The following CACNG5 variants were observed in gnomAD, a reference collection of about 807,000 sequenced individuals.
The protein encoded by CACNG5 is calcium voltage-gated channel auxiliary subunit gamma 5, also known as voltage-dependent calcium channel gamma-5 subunit.
A neutral mutation model predicts 24.8 loss-of-function variants in CACNG5; 18 were observed. That is an observed-to-expected ratio of 0.73 (90% CI 0.50 to 1.08). The LOEUF is 1.08. Ranked by LOEUF, CACNG5 falls within the 50% of genes least tolerant of loss-of-function variation. The probability of loss-of-function intolerance (pLI) is 0.00; values close to 1 mark genes in which losing one functional copy is unlikely to be tolerated. For missense variants in CACNG5, 349 were observed against 367.9 expected (o/e 0.95, Z 0.42); for synonymous variants, 157 against 149.1 (o/e 1.05, Z -0.39).
chr17:66,880,224 C>T (rs1977137745), intron 3 of CACNG5, among the ~76,000 whole-genome samples: 1 of 152,204 alleles, frequency 6.6e-6, no homozygotes, highest in African/African-American at 2.4e-5. Context: ...CTGGCCCTTC[C>T]ACAGCTGCCA....
At chr17:66,857,712 A>T (rs975527728) in intron 1 of CACNG5, among the ~76,000 whole-genome samples, 1 of 152,188 alleles carries the variant, frequency 6.6e-6, no homozygotes, top group Non-Finnish European at 1.5e-5. Context: ...TCCAGATTAG[A>T]CCAAAATCAG....
In CACNG5 at chr17:66,891,306, T is replaced by G. The variant is rs1018287129; in HGVS notation, c.*6066T>G. ...CTCCAGTTTATTAATATACAAGCAATTGCCCCAAAATTTAGTAGCTTAAGA... is the reference window on the plus strand; with the variant it reads ...CTCCAGTTTATTAATATACAAGCAAGTGCCCCAAAATTTAGTAGCTTAAGA... On this transcript the variant is annotated 3_prime_UTR_variant, in exon 6 of 6. Transcript: ENST00000533854. 6.6e-6 allele frequency among the ~76,000 whole-genome samples: 1 copy of G among 152,126 alleles called. No individual in the cohort carries two copies. Among genetic ancestry groups the G allele is most frequent in the Non-Finnish European group, 1.5e-5 (1 of 68,030 alleles).
chr17:66,843,506 T>A (rs904661231), intron 1 of CACNG5, among the ~76,000 whole-genome samples: 2 of 152,190 alleles, frequency 1.3e-5, no homozygotes, highest in Non-Finnish European at 2.9e-5. Context: ...TCTGAATTTG[T>A]AGAAAATGAC....
At chr17:66,855,782 C>A (rs961584765) in intron 1 of CACNG5, among the ~76,000 whole-genome samples, 14 of 152,134 alleles carry the variant, frequency 9.2e-5, no homozygotes, top group Non-Finnish European at 1.6e-4. Flanking sequence ...CAGGCGTGAG[C>A]CACCGCACCC....
chr17:66,893,838 G>A lies in CACNG5; in HGVS notation c.*8598G>A, dbSNP rs149758728. Among the ~76,000 whole-genome samples the A allele has an allele frequency of 2.0e-5, 3 of 152,170 alleles. No homozygotes were observed. The highest frequency in any genetic ancestry group is 1.9e-4 in the East Asian group (1 of 5,174). On this transcript the variant is annotated 3_prime_UTR_variant, in exon 6 of 6. Coordinates refer to ENST00000533854, the MANE Select transcript of CACNG5 (RefSeq NM_145811.3). ...AGCGTAAATTCCTGAGTTGATGGGT[G>A]TGTGGGGTGCAAAGAAAAAAAAAGT...
At position 66,888,461 on chromosome 17, in the gene CACNG5, G is replaced by A. The variant is rs375912716; in HGVS notation, c.*3221G>A. 2.8e-4 allele frequency among the ~76,000 whole-genome samples: 42 copies of A among 148,168 alleles called. No individual in the cohort carries two copies. Among genetic ancestry groups the A allele is most frequent in the East Asian group, 6.1e-4 (3 of 4,922 alleles). On this transcript the variant is annotated 3_prime_UTR_variant, in exon 6 of 6. Transcript: ENST00000533854. Reference sequence around the variant, plus strand: ...TGGGAGGCTGAAGCAGGAGAATGGCGTGAACCTGGGAGGCAGAGCTTGCAG... The same window carrying A: ...TGGGAGGCTGAAGCAGGAGAATGGCATGAACCTGGGAGGCAGAGCTTGCAG...
chr17:66,892,098 T>C lies in CACNG5; in HGVS notation c.*6858T>C, dbSNP rs1389729064. On this transcript the variant is annotated 3_prime_UTR_variant, in exon 6 of 6. Transcript: ENST00000533854. ...TGAGTCTGGCTGGGGAGTGGTGGCA[T>C]CCCAAACAAAATGCAAGAAAAGGAG... is the stretch of plus-strand genomic sequence containing the variant. Among the ~76,000 whole-genome samples the C allele has an allele frequency of 6.6e-6, 1 of 152,174 alleles. No individual in the cohort carries two copies. Among genetic ancestry groups the C allele is most frequent in the Admixed American group, 6.5e-5 (1 of 15,274 alleles).
chr17:66,838,601 C>G (rs2144494046), intron 1 of CACNG5, among the ~76,000 whole-genome samples: 1 of 151,630 alleles, frequency 6.6e-6, no homozygotes, highest in South Asian at 2.1e-4. Context: ...GGGGGCAGAG[C>G]CTGGACCAAA....
At position 66,887,216 on chromosome 17, in the gene CACNG5, A is replaced by G. The variant is rs1024469724; in HGVS notation, c.*1976A>G. Among the ~76,000 whole-genome samples the G allele has an allele frequency of 2.0e-5, 3 of 152,046 alleles. No individual in the cohort carries two copies. Among genetic ancestry groups the G allele is most frequent in the South Asian group, 4.2e-4 (2 of 4,814 alleles). ...GTAAGAGAAGCCAGTTCTGGTCCCA[A>G]TTCAGCCACTCATTCACCACGAATC... is the stretch of plus-strand genomic sequence containing the variant. On this transcript the variant is annotated 3_prime_UTR_variant, in exon 6 of 6. Transcript: ENST00000533854.
Position 66,850,673 on chromosome 17 carries a change from G to A in CACNG5, c.-104+15423G>A, listed in dbSNP as rs79082620. Reference sequence around the variant, plus strand: ...TCATTGCAGCACACTGGGAAATGCAGAAGAATAGAAAGAGGCAGGTTTTCC... The same window carrying A: ...TCATTGCAGCACACTGGGAAATGCAAAAGAATAGAAAGAGGCAGGTTTTCC... On this transcript the variant is annotated intron_variant, in intron 1 of 5. Coordinates refer to ENST00000533854, the MANE Select transcript of CACNG5 (RefSeq NM_145811.3). 2.3e-3 allele frequency among the ~76,000 whole-genome samples: 350 copies of A among 152,056 alleles called. 11 individuals carry two copies. The East Asian group carries it at 0.035, about 15-fold the overall frequency.
chr17:66,861,377 C>T (rs563464580), intron 1 of CACNG5, among the ~76,000 whole-genome samples: 12 of 152,316 alleles, frequency 7.9e-5, no homozygotes, highest in East Asian at 5.8e-4. Flanking sequence ...TGTGTTACCT[C>T]GTAACCCTTT....
chr17:66,866,407 T>C lies in CACNG5; in HGVS notation c.-103-10823T>C, dbSNP rs186267580. Among the ~76,000 whole-genome samples the C allele has an allele frequency of 3.4e-3, 515 of 152,290 alleles. 1 individual carries two copies. Among genetic ancestry groups the C allele is most frequent in the Middle Eastern group, 0.014 (4 of 294 alleles). On this transcript the variant is annotated intron_variant, in intron 1 of 5. Coordinates refer to ENST00000533854, the MANE Select transcript of CACNG5 (RefSeq NM_145811.3). ...GCTTCAGTCTCCCAAAGCACTGGGATTAGAGCACTCCACCACACCTTACCT... is the reference window on the plus strand; with the variant it reads ...GCTTCAGTCTCCCAAAGCACTGGGACTAGAGCACTCCACCACACCTTACCT...
chr17:66,868,500 CAG>C (rs1444908878), intron 1 of CACNG5, among the ~76,000 whole-genome samples: 1 of 152,182 alleles, frequency 6.6e-6, no homozygotes, highest in Non-Finnish European at 1.5e-5. Context: ...AACAATGTGG[CAG>C]AGAGAGTTTG....
intron 5 of CACNG5, 25 bp downstream of exon 5, chr17:66,884,686 G>C: frequency 6.2e-7 from 1 of 1,614,190 alleles, no homozygotes; most frequent in Non-Finnish European, 8.5e-7. Flanking sequence ...CCTAAGTATG[G>C]ATAGGCTGGG....
At chr17:66,848,079 G>A (rs191532574) in intron 1 of CACNG5, among the ~76,000 whole-genome samples, 8 of 152,256 alleles carry the variant, frequency 5.3e-5, no homozygotes, top group East Asian at 1.9e-4. Flanking sequence ...CCTTCATGTC[G>A]GGACAACCTC....
At chr17:66,853,863 C>T (rs904083128) in intron 1 of CACNG5, among the ~76,000 whole-genome samples, 4 of 152,104 alleles carry the variant, frequency 2.6e-5, no homozygotes, top group Middle Eastern at 3.2e-3. Context: ...TAGAATCATT[C>T]TCTTTCAAAT....
chr17:66,868,450 GGAATCCC>G (rs1976959050), intron 1 of CACNG5, among the ~76,000 whole-genome samples: 1 of 152,188 alleles, frequency 6.6e-6, no homozygotes, highest in African/African-American at 2.4e-5. Flanking sequence ...TCAAAGGACA[GGAATCCC>G]TGCCTGGCAA....
At chr17:66,880,439 G>T (rs943063738) in intron 3 of CACNG5, 118 bp from the exon 4 acceptor site, 23 of 1,268,464 alleles carry the variant, frequency 1.8e-5, no homozygotes, top group Non-Finnish European at 2.4e-5. Flanking sequence ...GGGAACCCCT[G>T]CAGGGGTGGG....
chr17:66,871,013 T>C (rs545422555), intron 1 of CACNG5, among the ~76,000 whole-genome samples: 10 of 150,848 alleles, frequency 6.6e-5, no homozygotes, highest in African/African-American at 2.2e-4. Flanking sequence ...ATCACTTCTG[T>C]GTACTTTATT....
Sources: allele counts gnomAD v4.1 joint callset (sites outside exome capture counted in the v4.1 genomes callset), GRCh38; gene constraint gnomAD v4.1.1; transcripts MANE v1.5; gene names NCBI Gene and HGNC (gene_info 2026-07-23, HGNC 2026-07-21).